SPAG16: variants seen among roughly 807,000 people sequenced by gnomAD.
The protein encoded by SPAG16 is sperm-associated antigen 16 protein.
In SPAG16, 86 loss-of-function variants were observed where a neutral mutation model predicts 80.4. The observed-to-expected ratio is 1.07, with a 90% confidence interval of 0.90 to 1.28. The LOEUF (loss-of-function observed/expected upper bound fraction) is 1.28, where lower values mean the gene tolerates loss of function less well. Among genes scored for constraint, SPAG16 ranks in the 50% most tolerant of loss-of-function variants. SPAG16 has a pLI of 0.00. For synonymous variants in SPAG16, 294 were observed against 265.9 expected, an observed-to-expected ratio of 1.11 and a Z score of -1.03; for missense variants, 870 against 765.3, an observed-to-expected ratio of 1.14 and a Z score of -1.61.
intron 15 of SPAG16, among the ~76,000 whole-genome samples, chr2:214,232,111 G>A (rs1304424073): frequency 6.6e-6 from 1 of 151,926 alleles, no homozygotes; most frequent in African/African-American, 2.4e-5. Context: ...TGCACTAACA[G>A]CTATTTTTGT....
chr2:214,298,879 A>G (rs1361928764), intron 15 of SPAG16, among the ~76,000 whole-genome samples: 3 of 152,150 alleles, frequency 2.0e-5, no homozygotes, highest in African/African-American at 7.2e-5. Context: ...GGATTAGAGG[A>G]ATGAAATTCT....
chr2:213,395,133 C>A (rs1268726271), intron 9 of SPAG16, among the ~76,000 whole-genome samples: 1 of 152,040 alleles, frequency 6.6e-6, no homozygotes, highest in African/African-American at 2.4e-5. Context: ...GTCAGTCTTG[C>A]TATATAGCAA....
chr2:213,746,947 AT>A (rs1252179303), intron 10 of SPAG16, among the ~76,000 whole-genome samples: 2 of 152,174 alleles, frequency 1.3e-5, no homozygotes, highest in African/African-American at 4.8e-5. Flanking sequence ...CCTTCTACTT[AT>A]CAAAAAAAAG....
chr2:214,403,583 G>T (rs1393360232), intron 15 of SPAG16, among the ~76,000 whole-genome samples: 1 of 152,000 alleles, frequency 6.6e-6, no homozygotes, highest in Non-Finnish European at 1.5e-5. Context: ...TGTCATAGCT[G>T]CTATAATGGA....
At chr2:214,234,822 G>T (rs1688965593) in intron 15 of SPAG16, among the ~76,000 whole-genome samples, 1 of 151,784 alleles carries the variant, frequency 6.6e-6, no homozygotes, top group Non-Finnish European at 1.5e-5. Flanking sequence ...TTTTTATGTT[G>T]CATACACACA....
At chr2:214,037,712 A>G (rs2048772627) in intron 13 of SPAG16, among the ~76,000 whole-genome samples, 1 of 152,140 alleles carries the variant, frequency 6.6e-6, no homozygotes, top group South Asian at 2.1e-4. Context: ...TGGTGCATAG[A>G]TATTGATAGT....
intron 9 of SPAG16, among the ~76,000 whole-genome samples, chr2:213,459,432 A>G (rs1273257650): frequency 6.6e-6 from 1 of 152,356 alleles, no homozygotes; most frequent in East Asian, 1.9e-4. Context: ...TAGAAGCACT[A>G]TTAATTCCAT....
At position 213,643,478 on chromosome 2, in the gene SPAG16, A is replaced by G. The variant is rs137885886; in HGVS notation, c.1070+153388A>G. On this transcript the variant is annotated intron_variant, in intron 10 of 15. Coordinates refer to ENST00000331683, the MANE Select transcript of SPAG16 (RefSeq NM_024532.5). ...TCTTTGGGAGTTTGATTATTAAATG[A>G]CTTGAGGTATTCTTTGTATTAAATC... Among the ~76,000 whole-genome samples the G allele has an allele frequency of 9.3e-5, 13 of 139,858 alleles. 1 individual carries two copies. Among genetic ancestry groups the G allele is most frequent in the African/African-American group, 3.1e-4 (12 of 38,154 alleles). The allele number at this position is 139,858 out of a possible 152,430, so 91.8% of individuals were successfully genotyped here.
chr2:213,924,918 T>A (rs1298397839), intron 11 of SPAG16, among the ~76,000 whole-genome samples: 1 of 152,128 alleles, frequency 6.6e-6, no homozygotes, highest in African/African-American at 2.4e-5. Flanking sequence ...CCTTTCCTAT[T>A]TTCTTTTAGA....
chr2:214,306,579 A>G (rs1694930129), intron 15 of SPAG16, among the ~76,000 whole-genome samples: 1 of 152,172 alleles, frequency 6.6e-6, no homozygotes, highest in Non-Finnish European at 1.5e-5. Flanking sequence ...GAGAGTTTTT[A>G]GCATGGATGG....
At chr2:213,867,641 G>A (rs893984542) in intron 11 of SPAG16, among the ~76,000 whole-genome samples, 1 of 151,972 alleles carries the variant, frequency 6.6e-6, no homozygotes, top group African/African-American at 2.4e-5. Context: ...AAGATAGCTC[G>A]GCCGTGTTCA....
intron 15 of SPAG16, among the ~76,000 whole-genome samples, chr2:214,160,494 C>A (rs1208789762): frequency 2.7e-5 from 4 of 150,678 alleles, no homozygotes; most frequent in African/African-American, 9.7e-5. Flanking sequence ...CCTTTTTTTT[C>A]TTTTTCATCA....
chr2:214,267,801 A>T (rs952728430), intron 15 of SPAG16, among the ~76,000 whole-genome samples: 1 of 151,856 alleles, frequency 6.6e-6, no homozygotes, highest in Non-Finnish European at 1.5e-5. Flanking sequence ...TAGAAAAAAA[A>T]TCCTAGAATT....
At chr2:213,988,850 TA>T in intron 12 of SPAG16, among the ~76,000 whole-genome samples, 1 of 152,076 alleles carries the variant, frequency 6.6e-6, no homozygotes. Flanking sequence ...ACAATATGGT[TA>T]AAGATGAAAA....
At chr2:213,429,771 C>A (rs529698841) in intron 9 of SPAG16, among the ~76,000 whole-genome samples, 2 of 152,250 alleles carry the variant, frequency 1.3e-5, no homozygotes, top group South Asian at 4.1e-4. Context: ...GTTGAACACA[C>A]CTAGAAGCAA....
rs140504139 is a variant in SPAG16 at position 213,744,572 on chromosome 2, C to G, written c.1071-117913C>G. On this transcript the variant is annotated intron_variant, in intron 10 of 15. Transcript: ENST00000331683. ...AATACTTTTTAGCTAGAGACTCCATCTGACAATGGAATCATCCATAGTATC... is the reference window on the plus strand; with the variant it reads ...AATACTTTTTAGCTAGAGACTCCATGTGACAATGGAATCATCCATAGTATC... Among the ~76,000 whole-genome samples, 148 of 152,278 alleles carry G rather than the reference C, an allele frequency of 9.7e-4. 4 individuals are homozygous for G. In the East Asian group the frequency reaches 0.021, roughly 21 times the overall value.
chr2:213,748,083 C>CT (rs1263577891), intron 10 of SPAG16, among the ~76,000 whole-genome samples: 5 of 151,918 alleles, frequency 3.3e-5, no homozygotes, highest in Non-Finnish European at 5.9e-5. Context: ...TGTATCAATT[C>CT]TTTTTTTTCT....
chr2:213,558,788 A>G (rs1314376235), intron 10 of SPAG16, among the ~76,000 whole-genome samples: 1 of 152,142 alleles, frequency 6.6e-6, no homozygotes, highest in Non-Finnish European at 1.5e-5. Context: ...CAAAAGTGGA[A>G]TGGTACAATG....
chr2:213,923,025 T>TCATTGGCTC (rs2078295581), intron 11 of SPAG16, among the ~76,000 whole-genome samples: 1 of 152,146 alleles, frequency 6.6e-6, no homozygotes, highest in Non-Finnish European at 1.5e-5. Flanking sequence ...GCAGGTGTGG[T>TCATTGGCTC]CCATCTGGCT....
Sources: gnomAD v4.1 joint callset for allele counts (sites outside exome capture counted in the v4.1 genomes callset) on GRCh38, gnomAD v4.1.1 for gene constraint, MANE v1.5 for transcripts, NCBI Gene and HGNC (gene_info 2026-07-23, HGNC 2026-07-21) for gene names.